The following PSG1 variants were observed in gnomAD, a reference collection of about 807,000 sequenced individuals.
PSG1 encodes the protein pregnancy specific beta-1-glycoprotein 1.
Under a neutral mutation model 41.4 loss-of-function variants are expected in PSG1, and 60 were observed. That is an observed-to-expected ratio of 1.45 (90% CI 1.18 to 1.80). The LOEUF (loss-of-function observed/expected upper bound fraction) is 1.80. Among genes scored for constraint, PSG1 ranks in the 40% most tolerant of loss-of-function variants. The pLI, the probability that PSG1 is intolerant of heterozygous loss-of-function variation, is 0.00. For synonymous variants in PSG1, 256 were observed against 192.9 expected (o/e 1.33, Z -2.71); for missense variants, 806 against 516.9 (o/e 1.56, Z -5.42).
chr19:42,873,194 G>C (rs866341646), intron 2 of PSG1, among the ~76,000 whole-genome samples: 4 of 151,700 alleles, frequency 2.6e-5, no homozygotes, highest in African/African-American at 9.7e-5. Context: ...TACAGATAAA[G>C]TGCTCCTTAT....
rs193297989 is a variant in PSG1 at position 42,879,108 on chromosome 19, T to A, written c.64+410A>T. 7.7e-4 allele frequency among the ~76,000 whole-genome samples: 117 copies of A among 151,624 alleles called. 1 individual carries two copies. Among genetic ancestry groups the A allele is most frequent in the African/African-American group, 2.7e-3 (112 of 41,352 alleles). On this transcript the variant is annotated intron_variant, in intron 1 of 5. Coordinates refer to ENST00000436291, the MANE Select transcript of PSG1 (RefSeq NM_001184825.2). The stretch of plus-strand genomic sequence containing the variant: ...GACCCCTGTCCCTCTCTGGTGTATT[T>A]TCCCCTATCCAGGCTCCAACAGAGC...
intron 2 of PSG1, among the ~76,000 whole-genome samples, chr19:42,875,792 C>T (rs1052612739): frequency 5.3e-5 from 8 of 150,624 alleles, no homozygotes. Context: ...TGCAAACCGC[C>T]ATTTCAATTA....
At chr19:42,872,681 A>T (rs552355993) in intron 2 of PSG1, among the ~76,000 whole-genome samples, 2 of 151,610 alleles carry the variant, frequency 1.3e-5, no homozygotes, top group Non-Finnish European at 2.9e-5. Flanking sequence ...GACTCTAAAG[A>T]TAGAGCAGAG....
rs1064491 is a variant in PSG1 at position 42,868,234 on chromosome 19, T to C, written c.1110A>G (p.Glu370=). The change falls in exon 5 of 6, where the codon GAA becomes GAG. Residue 370 remains glutamate (E), a synonymous_variant. Coordinates refer to ENST00000436291, the MANE Select transcript of PSG1 (RefSeq NM_001184825.2). ...PPAQYSWTIN[E]KFQLPGQKLF... ...GCTTTTGTCCTGGTAGCTGAAACTT[T>C]TCATTAATTGTCCAAGAATACTGTG... The C allele has an allele frequency of 0.14, 230,138 of 1,611,750 alleles. 26,136 individuals are homozygous for C. The highest frequency in any genetic ancestry group is 0.42 in the East Asian group (18,568 of 44,732).
At chr19:42,869,360 T>C (rs538893746) in intron 3 of PSG1, 8 of 442,708 alleles carry the variant, frequency 1.8e-5, no homozygotes, top group East Asian at 8.0e-5. Flanking sequence ...CTGGCTCACC[T>C]TGGGTTCCTT....
At position 42,877,955 on chromosome 19, in the gene PSG1, C is replaced by T; in HGVS notation, c.388G>A (p.Gly130Arg). ...AAACGTCCAGTTACTCCTCTAGTCC[C>T]ATCATCTCCCTTTATGATGTGTAAG... is the stretch of plus-strand genomic sequence containing the variant. ...YTLHIIKGDD[G>R]TRGVTGRFTF... Residue 130 changes from glycine (G) to arginine (R), a missense_variant, in exon 2 of 6, where the codon GGG becomes AGG. Coordinates refer to ENST00000436291, the MANE Select transcript of PSG1 (RefSeq NM_001184825.2). 1 of 1,612,366 alleles carries T rather than the reference C, an allele frequency of 6.2e-7. No individual in the cohort carries two copies. The highest frequency in any genetic ancestry group is 8.5e-7 in the Non-Finnish European group (1 of 1,179,110).
In PSG1 at chr19:42,868,262, G is replaced by A. The variant is rs138545353; in HGVS notation, c.1082C>T (p.Pro361Leu). ...YLSCSADSNP[P>L]AQYSWTINEK... Reference sequence around the variant, plus strand: ...ATTAATTGTCCAAGAATACTGTGCCGGTGGGTTAGAGTCCGCAGAACAGGA... The same window carrying A: ...ATTAATTGTCCAAGAATACTGTGCCAGTGGGTTAGAGTCCGCAGAACAGGA... Residue 361 changes from proline (P) to leucine (L), a missense_variant, in exon 5 of 6, where the codon CCG (proline) becomes CTG (leucine). By Grantham distance (98) the Pro-to-Leu change is moderately conservative (BLOSUM62 -3). Transcript: ENST00000436291. 1.6e-5 allele frequency: 25 copies of A among 1,612,300 alleles called. 2 individuals carry two copies. The highest frequency in any genetic ancestry group is 6.7e-5 in the East Asian group (3 of 44,798).
At chr19:42,870,289 C>T (rs1490281204) in intron 3 of PSG1, 1 of 151,726 alleles carries the variant, frequency 6.6e-6, no homozygotes, top group Non-Finnish European at 1.5e-5. Flanking sequence ...TTTAGCATCC[C>T]AAATCTGAAA....
intron 3 of PSG1, 26 bp from the exon 4 acceptor site, chr19:42,869,060 G>C: frequency 6.3e-7 from 1 of 1,598,446 alleles, no homozygotes; most frequent in Non-Finnish European, 8.5e-7. Flanking sequence ...AGAGAAGATT[G>C]TCCTGTGTGG....
chr19:42,878,095 A>C lies in PSG1; in HGVS notation c.248T>G (p.Val83Gly), dbSNP rs1357706476. Reference sequence around the variant, plus strand: ...ATATATAATTATTTCACCGTCTACTACATATGATGTAATGTAATGGTAGAG... The same window carrying C: ...ATATATAATTATTTCACCGTCTACTCCATATGATGTAATGTAATGGTAGAG... The part of the protein sequence containing the change: ...RDLYHYITSY[V>G]VDGEIIIYGP... Residue 83 changes from valine (V) to glycine (G), a missense_variant, in exon 2 of 6, where the codon GTA (valine) becomes GGA (glycine). Transcript: ENST00000436291. 1 of 1,612,286 alleles carries C rather than the reference A, an allele frequency of 6.2e-7. No homozygotes were observed. The highest frequency in any genetic ancestry group is 2.2e-5 in the East Asian group (1 of 44,790).
At chr19:42,869,708 A>G (rs1378370334) in intron 3 of PSG1, 1 of 153,624 alleles carries the variant, frequency 6.5e-6, no homozygotes, top group African/African-American at 2.4e-5. Flanking sequence ...AATGATCTAG[A>G]AAGAGTGAAG....
At position 42,875,532 on chromosome 19, in the gene PSG1, C is replaced by A. The variant is rs527708015; in HGVS notation, c.430+2381G>T. ...TGGCAACCGGCTGACCTCATCCATA[C>A]CTATGACTAATGGCTCAGCCAGTCA... On this transcript the variant is annotated intron_variant, in intron 2 of 5. Coordinates refer to ENST00000436291, the MANE Select transcript of PSG1 (RefSeq NM_001184825.2). Among the ~76,000 whole-genome samples, 3 of 151,670 alleles carry A rather than the reference C, an allele frequency of 2.0e-5. No individual in the cohort carries two copies. In the South Asian group the frequency reaches 6.3e-4, roughly 32 times the overall value.
intron 3 of PSG1, chr19:42,870,486 G>C (rs1305181266): frequency 6.6e-6 from 1 of 151,556 alleles, no homozygotes; most frequent in Non-Finnish European, 1.5e-5. Context: ...TGAAGGCCTT[G>C]GGATGTGAGA....
At chr19:42,878,370 C>T (rs113461092) in intron 1 of PSG1, 92 bp from the exon 2 acceptor site, 210,707 of 1,480,320 alleles carry the variant, frequency 0.14, 18,336 homozygotes, top group Admixed American at 0.19. Flanking sequence ...CTCTTCAGTC[C>T]TCAGCCTTGA....
At chr19:42,870,184 A>C in intron 3 of PSG1, 1 of 151,826 alleles carries the variant, frequency 6.6e-6, no homozygotes, top group Non-Finnish European at 1.5e-5. Flanking sequence ...TAGTTCACAC[A>C]GATTGAGTAT....
In PSG1 at chr19:42,869,220, T is replaced by G. The variant is rs967706331; in HGVS notation, c.710-186A>C. 1.7e-4 allele frequency: 232 copies of G among 1,331,914 alleles called. 1 individual carries two copies. The highest frequency in any genetic ancestry group is 8.2e-4 in the Middle Eastern group (3 of 3,666). 82.5% of individuals were successfully genotyped at this position (1,331,914 alleles called of 1,614,324 possible). On this transcript the variant is annotated intron_variant, in intron 3 of 5. Transcript: ENST00000436291. ...GGGCTCAAAGACTGTGAGGCCGCCT[T>G]CTCTGTCTTAGGGAAGCACAGACTT... is the stretch of plus-strand genomic sequence containing the variant.
intron 2 of PSG1, among the ~76,000 whole-genome samples, chr19:42,874,728 T>C (rs536431950): frequency 1.3e-5 from 2 of 151,724 alleles, no homozygotes; most frequent in African/African-American, 4.8e-5. Context: ...ATTTCAAGCT[T>C]GTTATACGCC....
At chr19:42,874,297 A>G (rs1265468613) in intron 2 of PSG1, among the ~76,000 whole-genome samples, 1 of 151,532 alleles carries the variant, frequency 6.6e-6, no homozygotes, top group Non-Finnish European at 1.5e-5. Context: ...TTCTTTCCAC[A>G]GCTGTGTGCA....
At position 42,872,074 on chromosome 19, in the gene PSG1, G is replaced by C. The variant is rs2074847; in HGVS notation, c.431-29C>G. 2.3e-5 allele frequency: 36 copies of C among 1,595,202 alleles called. 1 individual carries two copies. The highest frequency in any genetic ancestry group is 4.1e-5 in the African/African-American group (3 of 73,848). On this transcript the variant is annotated intron_variant, in intron 2 of 5. Coordinates refer to ENST00000436291, the MANE Select transcript of PSG1 (RefSeq NM_001184825.2). ...TGCAGAAAACAGGGTGAAGATTGCC[G>C]TGTGTGGCGCCTTTGATTCCTCCAA...
Sources: gnomAD v4.1 joint callset for allele counts (sites outside exome capture counted in the v4.1 genomes callset) on GRCh38, gnomAD v4.1.1 for gene constraint, MANE v1.5 for transcripts, NCBI Gene and HGNC (gene_info 2026-07-23, HGNC 2026-07-21) for gene names.